The following SGPP2 variants were observed in gnomAD, a reference collection of about 807,000 sequenced individuals.
SGPP2 encodes the protein sphingosine-1-phosphate phosphatase 2, also known as sphingosine 1-phosphate phosphohydrolase 2.
In SGPP2, 30 loss-of-function variants were observed where a neutral mutation model predicts 33.9. That is an observed-to-expected ratio of 0.89 (90% CI 0.66 to 1.20). The LOEUF (loss-of-function observed/expected upper bound fraction) is 1.20. Among genes scored for constraint, SGPP2 ranks in the 50% most tolerant of loss-of-function variants. SGPP2 has a pLI of 0.00. For missense variants in SGPP2, 458 were observed against 532.1 expected (o/e 0.86, Z 1.37); for synonymous variants, 233 against 225.0 (o/e 1.04, Z -0.32).
chr2:222,473,119 C>G (rs1697873976), intron 1 of SGPP2, among the ~76,000 whole-genome samples: 1 of 152,202 alleles, frequency 6.6e-6, no homozygotes, highest in Non-Finnish European at 1.5e-5. Context: ...ATACAGCCAG[C>G]CTGTGAGGCT....
In SGPP2 at chr2:222,435,827, T is replaced by C. The variant is rs147190986; in HGVS notation, c.219+11006T>C. Among the ~76,000 whole-genome samples the C allele has an allele frequency of 3.0e-3, 457 of 152,364 alleles. 3 individuals are homozygous for C. The highest frequency in any genetic ancestry group is 0.01 in the African/African-American group (434 of 41,586). On this transcript the variant is annotated intron_variant, in intron 1 of 4. Coordinates refer to ENST00000321276, the MANE Select transcript of SGPP2 (RefSeq NM_152386.4). ...GTTTCTGTAGCTGGTCATGTGGTCG[T>C]AGCTGGTATTGGTGACTACCTTCTA...
rs1689522936 is a variant in SGPP2, at chr2:222,560,816, A to G, written c.*1918A>G. ...TGTAACTTAGCATTCCAATTTCTCA[A>G]GAATTTTTAGGCCGGGTGCGGTGGC... On this transcript the variant is annotated 3_prime_UTR_variant, in exon 5 of 5. Coordinates refer to ENST00000321276, the MANE Select transcript of SGPP2 (RefSeq NM_152386.4). The G allele has an allele frequency of 6.6e-6, 1 of 152,228 alleles. No individual in the cohort carries two copies. Among genetic ancestry groups the G allele is most frequent in the Admixed American group, 6.5e-5 (1 of 15,288 alleles). The allele number at this position is 152,228 out of a possible 1,614,324, so 9.4% of individuals were successfully genotyped here.
chr2:222,483,107 C>T (rs1424949642), intron 2 of SGPP2, among the ~76,000 whole-genome samples: 2 of 152,158 alleles, frequency 1.3e-5, no homozygotes, highest in African/African-American at 4.8e-5. Context: ...GGTATTTCAT[C>T]GCTTGTGCAG....
intron 2 of SGPP2, among the ~76,000 whole-genome samples, chr2:222,492,429 C>T (rs1698211450): frequency 6.6e-6 from 1 of 152,240 alleles, no homozygotes; most frequent in Non-Finnish European, 1.5e-5. Flanking sequence ...GGGCTTGCAC[C>T]CTGTGAAGCA....
chr2:222,439,126 C>G (rs1318833592), intron 1 of SGPP2, among the ~76,000 whole-genome samples: 3 of 152,180 alleles, frequency 2.0e-5, no homozygotes, highest in African/African-American at 7.2e-5. Flanking sequence ...AACGTCAGCT[C>G]AGAGTCAGTG....
intron 2 of SGPP2, among the ~76,000 whole-genome samples, chr2:222,493,591 C>T (rs1698229954): frequency 6.6e-6 from 1 of 152,180 alleles, no homozygotes. Flanking sequence ...CCGCCTTGGC[C>T]TCCCAAAGTA....
At chr2:222,539,175 G>C (rs1200166465) in intron 4 of SGPP2, among the ~76,000 whole-genome samples, 1 of 152,162 alleles carries the variant, frequency 6.6e-6, no homozygotes, top group Non-Finnish European at 1.5e-5. Context: ...GAAACGATGG[G>C]ATTGGGTAAA....
At chr2:222,474,814 CTT>C (rs3075931) in intron 2 of SGPP2, 88 bp downstream of exon 2, 326,549 of 783,418 alleles carry the variant, frequency 0.42, 27,268 homozygotes, top group South Asian at 0.44. Flanking sequence ...TATGTTCTTT[CTT>C]TTTTTTTTTT....
Position 222,424,655 on chromosome 2 carries a change from A to G in SGPP2, c.53A>G (p.Gln18Arg). Residue 18 changes from glutamine to arginine, a missense_variant, in exon 1 of 5, where the codon CAG (glutamine) becomes CGG (arginine). Coordinates refer to ENST00000321276, the MANE Select transcript of SGPP2 (RefSeq NM_152386.4). The part of the protein sequence containing the change: ...LQDSQLVARF[Q>R]RRCGLFPAPD... ...GATTCCCAGCTCGTCGCCCGCTTCC[A>G]GCGCCGCTGCGGGCTCTTCCCCGCT... The G allele has an allele frequency of 1.4e-6, 2 of 1,435,298 alleles. No individual in the cohort carries two copies. The highest frequency in any genetic ancestry group is 1.8e-6 in the Non-Finnish European group (2 of 1,093,216). 88.9% of individuals were successfully genotyped at this position (1,435,298 alleles called of 1,614,324 possible). A position where few individuals can be genotyped will look rare whatever the true frequency, so the allele number is the denominator to read the frequency against.
chr2:222,524,963 T>C lies in SGPP2; in HGVS notation c.578T>C (p.Leu193Pro). ...DRYQYPFVLG[L>P]VMAVVFSTLV... ...CCACAGTATCCATTTGTGTTGGGAC[T>C]GGTGATGGCCGTGGTGTTTTCCACC... Residue 193 changes from leucine to proline, a missense_variant, in exon 4 of 5, where the codon CTG (leucine) becomes CCG (proline). By Grantham distance (98) the Leu-to-Pro change is moderately conservative (BLOSUM62 -3). Transcript: ENST00000321276. 6.2e-7 allele frequency: 1 copy of C among 1,614,082 alleles called. No homozygotes were observed. The highest frequency in any genetic ancestry group is 1.1e-5 in the South Asian group (1 of 91,076).
At chr2:222,515,315 A>G (rs921475947) in intron 2 of SGPP2, among the ~76,000 whole-genome samples, 1 of 152,066 alleles carries the variant, frequency 6.6e-6, no homozygotes, top group Non-Finnish European at 1.5e-5. Context: ...ACATTTCAGA[A>G]AAATATTGAA....
chr2:222,486,442 A>G (rs56096761), intron 2 of SGPP2, among the ~76,000 whole-genome samples: 4,082 of 152,306 alleles, frequency 0.027, 190 homozygotes, highest in African/African-American at 0.09. Context: ...AAGAGCCACA[A>G]TATGGCTGCT....
rs182825439 is a variant in SGPP2, at chr2:222,473,886, T to C, written c.220-682T>C. ...TTGTAGTGAGCCAAAATTGTGCCAT[T>C]GCACTCCAGCCTGGGCAACAAGAGC... On this transcript the variant is annotated intron_variant, in intron 1 of 4. Transcript: ENST00000321276. Among the ~76,000 whole-genome samples, 249 of 144,470 alleles carry C rather than the reference T, an allele frequency of 1.7e-3. 3 individuals are homozygous for C. The highest frequency in any genetic ancestry group is 6.3e-3 in the African/African-American group (238 of 37,598). 94.8% of individuals were successfully genotyped at this position (144,470 alleles called of 152,430 possible).
intron 2 of SGPP2, among the ~76,000 whole-genome samples, chr2:222,486,879 AT>A (rs1201832840): frequency 2.0e-5 from 3 of 152,012 alleles, no homozygotes; most frequent in African/African-American, 7.3e-5. Flanking sequence ...AACAAATTTC[AT>A]TTTTCATTTT....
At chr2:222,556,843 C>T (rs148129860) in intron 4 of SGPP2, among the ~76,000 whole-genome samples, 1,836 of 35,092 alleles carry the variant, frequency 0.052, 383 homozygotes, top group Non-Finnish European at 0.089. Flanking sequence ...TCCTCCCCAT[C>T]CACCCTCACT....
At chr2:222,484,696 C>T (rs10176933) in intron 2 of SGPP2, among the ~76,000 whole-genome samples, 35,137 of 152,020 alleles carry the variant, frequency 0.23, 4,551 homozygotes, top group East Asian at 0.34. Context: ...AACTCAGTTT[C>T]TCTCTTGCTG....
At chr2:222,434,935 G>C (rs1697211999) in intron 1 of SGPP2, among the ~76,000 whole-genome samples, 1 of 150,402 alleles carries the variant, frequency 6.6e-6, no homozygotes, top group South Asian at 2.1e-4. Context: ...TTGTATATTA[G>C]GGTTCTCTAG....
intron 4 of SGPP2, 124 bp downstream of exon 4, chr2:222,525,157 G>A (rs545106655): frequency 4.6e-6 from 3 of 651,604 alleles, no homozygotes; most frequent in Non-Finnish European, 7.9e-6. Context: ...TTCTCATCAT[G>A]CCAATGCATT....
intron 2 of SGPP2, among the ~76,000 whole-genome samples, chr2:222,515,522 T>C (rs976567602): frequency 2.0e-5 from 3 of 150,238 alleles, no homozygotes; most frequent in Non-Finnish European, 3.0e-5. Context: ...AGAGACGGGG[T>C]TTCACCATAT....
Sources: allele counts gnomAD v4.1 joint callset (sites outside exome capture counted in the v4.1 genomes callset), GRCh38; gene constraint gnomAD v4.1.1; transcripts MANE v1.5; gene names NCBI Gene and HGNC (gene_info 2026-07-23, HGNC 2026-07-21).